Variants in LUZP2 observed in about 807,000 individuals in gnomAD.
The protein encoded by LUZP2 is leucine zipper protein 2.
Under a neutral mutation model 51.6 loss-of-function variants are expected in LUZP2, and 52 were observed. The ratio of observed to expected loss-of-function variants is 1.01; its 90% CI spans 0.81 to 1.27. LUZP2 has a LOEUF of 1.27. LUZP2 is among the 50% of genes most tolerant of loss of function. The probability of loss-of-function intolerance (pLI) is 0.00; values close to 1 mark genes in which losing one functional copy is unlikely to be tolerated. For synonymous variants in LUZP2, 154 were observed against 137.3 expected (o/e 1.12, Z -0.85); for missense variants, 436 against 395.4 (o/e 1.10, Z -0.87).
At chr11:24,597,190 A>G (rs1240956663) in intron 1 of LUZP2, among the ~76,000 whole-genome samples, 2 of 152,324 alleles carry the variant, frequency 1.3e-5, no homozygotes, top group East Asian at 1.9e-4. Flanking sequence ...ATGTATAAGC[A>G]TGTGTATAGA....
At chr11:25,010,484 G>A (rs543009955) in intron 9 of LUZP2, among the ~76,000 whole-genome samples, 3 of 152,114 alleles carry the variant, frequency 2.0e-5, no homozygotes, top group Admixed American at 6.5e-5. Flanking sequence ...GGAGGCAGAG[G>A]TTACAGTGAG....
At chr11:24,575,691 C>A (rs1217628221) in intron 1 of LUZP2, among the ~76,000 whole-genome samples, 1 of 152,144 alleles carries the variant, frequency 6.6e-6, no homozygotes. Flanking sequence ...AAATGAGACA[C>A]TGAGATAAAA....
intron 5 of LUZP2, among the ~76,000 whole-genome samples, chr11:24,897,683 C>G (rs1448535754): frequency 6.6e-6 from 1 of 152,206 alleles, no homozygotes; most frequent in Non-Finnish European, 1.5e-5. Flanking sequence ...CTGTGAGCGA[C>G]TGTGGCTTCC....
chr11:25,042,522 T>C (rs915777403), intron 9 of LUZP2, among the ~76,000 whole-genome samples: 1 of 152,212 alleles, frequency 6.6e-6, no homozygotes, highest in African/African-American at 2.4e-5. Context: ...TAGTACATTA[T>C]AAATTACTGG....
chr11:24,785,948 C>T, intron 5 of LUZP2: 1 of 985,304 alleles, frequency 1.0e-6, no homozygotes, highest in South Asian at 4.7e-5. Context: ...TACAAGCAGT[C>T]ACCAAATGTA....
intron 1 of LUZP2, among the ~76,000 whole-genome samples, chr11:24,587,254 G>C (rs1853098550): frequency 6.6e-6 from 1 of 152,130 alleles, no homozygotes; most frequent in East Asian, 1.9e-4. Context: ...ACAGGACCCA[G>C]AAAGCCTTGG....
chr11:24,742,520 A>G (rs1050588902), intron 4 of LUZP2, among the ~76,000 whole-genome samples: 1 of 151,938 alleles, frequency 6.6e-6, no homozygotes, highest in Non-Finnish European at 1.5e-5. Flanking sequence ...TTATCTATTC[A>G]TGTCCTTAGC....
intron 1 of LUZP2, among the ~76,000 whole-genome samples, chr11:24,689,596 G>A (rs965095253): frequency 2.6e-5 from 4 of 152,136 alleles, no homozygotes; most frequent in Admixed American, 2.0e-4. Flanking sequence ...ACTTGATAGT[G>A]GCCTGACATT....
intron 1 of LUZP2, among the ~76,000 whole-genome samples, chr11:24,628,162 AATT>A (rs1250736140): frequency 6.6e-6 from 1 of 151,790 alleles, no homozygotes; most frequent in Non-Finnish European, 1.5e-5. Context: ...ATTCTTGTAA[AATT>A]ATGACTCACA....
intron 1 of LUZP2, among the ~76,000 whole-genome samples, chr11:24,565,041 A>G (rs1029865976): frequency 3.4e-4 from 51 of 152,172 alleles, no homozygotes; most frequent in Non-Finnish European, 1.5e-5. Context: ...TATCCACAAA[A>G]TACTATTTTT....
intron 7 of LUZP2, among the ~76,000 whole-genome samples, chr11:24,940,619 T>C (rs1317110537): frequency 6.6e-6 from 1 of 152,210 alleles, no homozygotes; most frequent in Non-Finnish European, 1.5e-5. Context: ...TTAATACAAA[T>C]AAATTATCAA....
chr11:24,956,003 G>C (rs1030313188), intron 7 of LUZP2, among the ~76,000 whole-genome samples: 2 of 152,080 alleles, frequency 1.3e-5, no homozygotes, highest in South Asian at 2.1e-4. Flanking sequence ...AACTCAATGA[G>C]ATAGTTGCAG....
chr11:24,902,262 G>C (rs1853302787), intron 5 of LUZP2, among the ~76,000 whole-genome samples: 1 of 151,970 alleles, frequency 6.6e-6, no homozygotes, highest in African/African-American at 2.4e-5. Flanking sequence ...TTGGCACCCA[G>C]GTACTAAGCC....
At chr11:24,945,854 G>A (rs1049942745) in intron 7 of LUZP2, among the ~76,000 whole-genome samples, 7 of 151,902 alleles carry the variant, frequency 4.6e-5, no homozygotes, top group South Asian at 2.1e-4. Flanking sequence ...CATTTAAAAT[G>A]TACAATTCTA....
In LUZP2 at chr11:24,976,589, A is replaced by G; in HGVS notation, c.523-2A>G. The G allele has an allele frequency of 6.3e-7, 1 of 1,575,184 alleles. No individual in the cohort carries two copies. Among genetic ancestry groups the G allele is most frequent in the Non-Finnish European group, 8.6e-7 (1 of 1,164,322 alleles). ...CTAGAAGATTTATCTCTTATTTTAC[A>G]GGCGCAGCAGCTTACTGATCTGGAA... On this transcript the variant is annotated splice_acceptor_variant, in intron 7 of 11. Coordinates refer to ENST00000336930, the MANE Select transcript of LUZP2 (RefSeq NM_001009909.4). LOFTEE classifies it high-confidence loss of function.
intron 5 of LUZP2, among the ~76,000 whole-genome samples, chr11:24,800,896 AAT>A (rs1249006350): frequency 2.0e-5 from 3 of 152,072 alleles, no homozygotes; most frequent in Non-Finnish European, 4.4e-5. Context: ...TTTTGTGGCA[AAT>A]ATATGTCCAA....
intron 7 of LUZP2, among the ~76,000 whole-genome samples, chr11:24,931,170 C>T (rs909438452): frequency 1.3e-4 from 19 of 151,444 alleles, no homozygotes; most frequent in Non-Finnish European, 2.6e-4. Context: ...GAGATCACGC[C>T]ACTGCACTCC....
At chr11:24,517,782 C>T (rs974339989) in intron 1 of LUZP2, among the ~76,000 whole-genome samples, 1 of 151,980 alleles carries the variant, frequency 6.6e-6, no homozygotes, top group Non-Finnish European at 1.5e-5. Context: ...CATTTTGCTT[C>T]CCATGGTTAT....
At chr11:24,644,068 T>C (rs1855391896) in intron 1 of LUZP2, among the ~76,000 whole-genome samples, 1 of 152,216 alleles carries the variant, frequency 6.6e-6, no homozygotes, top group Non-Finnish European at 1.5e-5. Context: ...TAATTGCTTC[T>C]GTAGGTTGAA....
Sources: gnomAD v4.1 joint callset for allele counts (sites outside exome capture counted in the v4.1 genomes callset) on GRCh38, gnomAD v4.1.1 for gene constraint, MANE v1.5 for transcripts, NCBI Gene and HGNC (gene_info 2026-07-23, HGNC 2026-07-21) for gene names.